Variants in SDC2 observed in about 807,000 individuals in gnomAD.
SDC2 encodes syndecan-2.
SDC2 carries 13 observed loss-of-function variants against 22.2 expected under a neutral mutation model. The observed-to-expected ratio is 0.59, with a 90% CI of 0.38 to 0.93. The LOEUF is 0.93. SDC2 is among the 40% of genes least tolerant of loss of function. The probability of loss-of-function intolerance (pLI) is 0.00; values close to 1 mark genes in which losing one functional copy is unlikely to be tolerated. For missense variants in SDC2, 235 were observed against 246.8 expected, an observed-to-expected ratio of 0.95 and a Z score of 0.32; for synonymous variants, 94 against 92.8, an observed-to-expected ratio of 1.01 and a Z score of -0.07.
chr8:96,598,718 G>A (rs1814924773), intron 2 of SDC2, among the ~76,000 whole-genome samples: 1 of 152,098 alleles, frequency 6.6e-6, no homozygotes, highest in Admixed American at 6.5e-5. Context: ...GCTTCAGAGA[G>A]GGGGTGATAT....
intron 1 of SDC2, among the ~76,000 whole-genome samples, chr8:96,516,261 A>G (rs1813400071): frequency 6.6e-6 from 1 of 152,146 alleles, no homozygotes; most frequent in Admixed American, 6.5e-5. Flanking sequence ...CCCTCTCTAA[A>G]ATGCAAAATG....
intron 1 of SDC2, among the ~76,000 whole-genome samples, chr8:96,578,021 C>T (rs1586310733): frequency 6.6e-6 from 1 of 152,176 alleles, no homozygotes; most frequent in Non-Finnish European, 1.5e-5. Flanking sequence ...GACATTTCAG[C>T]ACATAGCAGT....
chr8:96,590,459 G>A (rs936349184), intron 1 of SDC2, among the ~76,000 whole-genome samples: 7 of 152,088 alleles, frequency 4.6e-5, no homozygotes, highest in Non-Finnish European at 7.3e-5. Context: ...GTGTAAAATC[G>A]GTAGTTTCGA....
chr8:96,581,625 C>T (rs1814591448), intron 1 of SDC2, among the ~76,000 whole-genome samples: 1 of 141,114 alleles, frequency 7.1e-6, no homozygotes, highest in African/African-American at 2.5e-5. Flanking sequence ...GAGCGAGACT[C>T]TGTCTCTTAA....
chr8:96,568,049 T>C (rs1814330245), intron 1 of SDC2, among the ~76,000 whole-genome samples: 1 of 152,262 alleles, frequency 6.6e-6, no homozygotes, highest in Non-Finnish European at 1.5e-5. Context: ...TACCCTAGTG[T>C]ATGGCAGTAA....
At chr8:96,563,041 G>A (rs952529448) in intron 1 of SDC2, among the ~76,000 whole-genome samples, 1 of 151,948 alleles carries the variant, frequency 6.6e-6, no homozygotes, top group African/African-American at 2.4e-5. Flanking sequence ...TCCAATTACT[G>A]TTCCATTGTT....
chr8:96,569,961 G>A (rs139905128), intron 1 of SDC2, among the ~76,000 whole-genome samples: 125 of 152,276 alleles, frequency 8.2e-4, no homozygotes, highest in African/African-American at 2.9e-3. Context: ...AAGGGGAGTC[G>A]CTTGAAGCAG....
intron 1 of SDC2, among the ~76,000 whole-genome samples, chr8:96,568,316 G>T (rs1814334087): frequency 6.6e-6 from 1 of 152,206 alleles, no homozygotes; most frequent in Non-Finnish European, 1.5e-5. Flanking sequence ...CAAAGAGTTG[G>T]TTTAAACAAA....
rs183802213 is a variant in SDC2 at position 96,560,166 on chromosome 8, T to C, written c.61-33314T>C. ...CCCTGTCATTCTCAACCCTTTCCAG[T>C]CCTAGGCTATCACTAATCTAATTTT... On this transcript the variant is annotated intron_variant, in intron 1 of 4. Coordinates refer to ENST00000302190, the MANE Select transcript of SDC2 (RefSeq NM_002998.4). Among the ~76,000 whole-genome samples, 414 of 152,216 alleles carry C rather than the reference T, an allele frequency of 2.7e-3. 1 individual carries two copies. The highest frequency in any genetic ancestry group is 4.1e-3 in the Non-Finnish European group (276 of 68,004).
intron 1 of SDC2, among the ~76,000 whole-genome samples, chr8:96,537,147 C>T (rs1813766989): frequency 6.6e-6 from 1 of 152,164 alleles, no homozygotes; most frequent in Admixed American, 6.5e-5. Context: ...GAGCTCGATT[C>T]ATCCTAATTA....
At chr8:96,536,542 C>T (rs1442145873) in intron 1 of SDC2, among the ~76,000 whole-genome samples, 4 of 152,228 alleles carry the variant, frequency 2.6e-5, no homozygotes, top group Admixed American at 6.5e-5. Flanking sequence ...GGCCAATCTC[C>T]AACTCCTGGA....
chr8:96,535,419 G>A (rs945027855), intron 1 of SDC2, among the ~76,000 whole-genome samples: 1 of 152,162 alleles, frequency 6.6e-6, no homozygotes, highest in Admixed American at 6.6e-5. Flanking sequence ...GTATTTTTAA[G>A]TCTGGCCACT....
chr8:96,513,447 G>A (rs1419599359), intron 1 of SDC2, among the ~76,000 whole-genome samples: 1 of 152,130 alleles, frequency 6.6e-6, no homozygotes, highest in Non-Finnish European at 1.5e-5. Flanking sequence ...TGTGCCTTGA[G>A]ATATAAATAG....
chr8:96,609,681 T>C lies in SDC2; in HGVS notation c.*133T>C. Reference sequence around the variant, plus strand: ...CTGGCACTTTAATGATAAAATCCCATTGTATTTAAAACATTTCATGTATTT... The same window carrying C: ...CTGGCACTTTAATGATAAAATCCCACTGTATTTAAAACATTTCATGTATTT... On this transcript the variant is annotated 3_prime_UTR_variant, in exon 5 of 5. Coordinates refer to ENST00000302190, the MANE Select transcript of SDC2 (RefSeq NM_002998.4). 1.8e-6 allele frequency: 1 copy of C among 565,540 alleles called. No individual in the cohort carries two copies. Among genetic ancestry groups the C allele is most frequent in the Admixed American group, 4.0e-5 (1 of 25,260 alleles). The allele number at this position is 565,540 out of a possible 1,614,324, so 35.0% of individuals were successfully genotyped here.
chr8:96,568,641 G>T (rs1188759691), intron 1 of SDC2, among the ~76,000 whole-genome samples: 3 of 152,220 alleles, frequency 2.0e-5, no homozygotes, highest in African/African-American at 7.2e-5. Context: ...TTTGGAGATT[G>T]TGAACTGATT....
intron 1 of SDC2, among the ~76,000 whole-genome samples, chr8:96,516,777 TA>T (rs900356985): frequency 2.1e-4 from 32 of 152,356 alleles, no homozygotes; most frequent in African/African-American, 7.5e-4. Context: ...TATTGCCAAA[TA>T]AATATTTATT....
chr8:96,604,004 C>A (rs1293125431), intron 3 of SDC2, among the ~76,000 whole-genome samples: 1 of 152,202 alleles, frequency 6.6e-6, no homozygotes, highest in Non-Finnish European at 1.5e-5. Context: ...ACGATGACTG[C>A]CTCAGAGTGT....
Position 96,610,710 on chromosome 8 carries a change from G to C in SDC2, c.*1162G>C, listed in dbSNP as rs1357995826. The C allele has an allele frequency of 6.6e-6, 1 of 152,562 alleles. No homozygotes were observed. Among genetic ancestry groups the C allele is most frequent in the Admixed American group, 6.5e-5 (1 of 15,286 alleles). 9.5% of individuals were successfully genotyped at this position (152,562 alleles called of 1,614,324 possible). A position where few individuals can be genotyped will look rare whatever the true frequency, so the allele number is the denominator to read the frequency against. Reference sequence around the variant, plus strand: ...ATCTCCCCTTTGCTAACGGCCGTCTGCTCTCAAGGATGACGTGGGTTTGAT... The same window carrying C: ...ATCTCCCCTTTGCTAACGGCCGTCTCCTCTCAAGGATGACGTGGGTTTGAT... On this transcript the variant is annotated 3_prime_UTR_variant, in exon 5 of 5. Transcript: ENST00000302190.
intron 1 of SDC2, among the ~76,000 whole-genome samples, chr8:96,518,756 T>C (rs1813449031): frequency 6.6e-6 from 1 of 152,180 alleles, no homozygotes; most frequent in African/African-American, 2.4e-5. Flanking sequence ...CTATAGGCTT[T>C]TAATTGTTCA....
Sources: gnomAD v4.1 joint callset for allele counts (sites outside exome capture counted in the v4.1 genomes callset) on GRCh38, gnomAD v4.1.1 for gene constraint, MANE v1.5 for transcripts, NCBI Gene and HGNC (gene_info 2026-07-23, HGNC 2026-07-21) for gene names.